AEBP2: variants seen among roughly 807,000 people sequenced by gnomAD.
AEBP2 encodes AE binding protein 2, also known as zinc finger protein AEBP2.
In AEBP2, 10 loss-of-function variants were observed where a neutral mutation model predicts 50.8. The ratio of observed to expected loss-of-function variants is 0.20; its 90% CI spans 0.12 to 0.33. AEBP2 has a LOEUF of 0.33. AEBP2 is among the 10% of genes least tolerant of loss of function. The pLI is 1.00. For synonymous variants in AEBP2, 296 were observed against 261.3 expected, an observed-to-expected ratio of 1.13 and a Z score of -1.28; for missense variants, 570 against 688.0, an observed-to-expected ratio of 0.83 and a Z score of 1.92.
chr12:19,419,318 G>T (rs570155132), intron 1 of AEBP2, among the ~76,000 whole-genome samples: 2 of 152,056 alleles, frequency 1.3e-5, no homozygotes, highest in Non-Finnish European at 1.5e-5. Flanking sequence ...GGCCGGGTGC[G>T]GTGGCTCATG....
Position 19,439,809 on chromosome 12 carries a change from A to G in AEBP2, c.110A>G (p.Glu37Gly). 1 of 1,497,848 alleles carries G rather than the reference A, an allele frequency of 6.7e-7. No individual in the cohort carries two copies. Among genetic ancestry groups the G allele is most frequent in the Non-Finnish European group, 8.8e-7 (1 of 1,130,586 alleles). The allele number at this position is 1,497,848 out of a possible 1,614,324, so 92.8% of individuals were successfully genotyped here. ...GCGCGGGGCCGGGCTGAGCCCCCCG[A>G]GGAGGAGGAGGAAGAGGAGGAGGAG... ...SAARGRAEPP[E>G]EEEEEEEEEE... Residue 37 changes from glutamate (E) to glycine (G), a missense_variant, in exon 1 of 8, where the codon GAG becomes GGG. Glu to Gly is a moderately conservative substitution (Grantham distance 98, BLOSUM62 -2). Around this residue, in one of 2 missense-constraint regions of AEBP2, gnomAD observed 386 missense variants for 336.8 expected, o/e 1.15. Transcript: ENST00000266508.
chr12:19,462,432 C>G, intron 1 of AEBP2, 78 bp from the exon 2 acceptor site: 1 of 1,221,032 alleles, frequency 8.2e-7, no homozygotes, highest in Non-Finnish European at 1.2e-6. Flanking sequence ...AAGTGGTAAT[C>G]TTAATTAAAT....
chr12:19,502,600 G>A (rs1949097451), intron 5 of AEBP2, among the ~76,000 whole-genome samples: 1 of 151,270 alleles, frequency 6.6e-6, no homozygotes, highest in African/African-American at 2.4e-5. Flanking sequence ...TTGTAGGTGT[G>A]CAGTTTTATT....
chr12:19,509,100 A>T, intron 5 of AEBP2: 1 of 563,470 alleles, frequency 1.8e-6, no homozygotes, highest in Non-Finnish European at 3.3e-6. Flanking sequence ...GTTCTTAATG[A>T]GATTGTCCAA....
intron 4 of AEBP2, 61 bp downstream of exon 4, chr12:19,494,047 T>C (rs1339854356): frequency 1.2e-5 from 17 of 1,473,642 alleles, no homozygotes; most frequent in African/African-American, 1.4e-5. Flanking sequence ...TCTTAGACTT[T>C]TATGCAAATC....
intron 3 of AEBP2, among the ~76,000 whole-genome samples, chr12:19,493,293 C>T (rs892671959): frequency 3.9e-5 from 6 of 151,928 alleles, no homozygotes; most frequent in Non-Finnish European, 5.9e-5. Context: ...CCCAGCTACT[C>T]GGGAGGCTGA....
rs1204959485 is a variant in AEBP2, at chr12:19,520,118, C to T, written c.*2001C>T. On this transcript the variant is annotated 3_prime_UTR_variant, in exon 8 of 8. Transcript: ENST00000266508. ...AAGTGTTTCAGATACATAGTTTGTA[C>T]CTGTATTTTTATTTTATTGCCTCAT... The T allele has an allele frequency of 6.6e-6, 1 of 152,388 alleles. No homozygotes were observed. The highest frequency in any genetic ancestry group is 1.5e-5 in the Non-Finnish European group (1 of 67,972). The allele number at this position is 152,388 out of a possible 1,614,324, so 9.4% of individuals were successfully genotyped here.
chr12:19,423,784 TGA>T (rs1455410567), intron 1 of AEBP2, among the ~76,000 whole-genome samples: 1 of 151,540 alleles, frequency 6.6e-6, no homozygotes, highest in African/African-American at 2.4e-5. Context: ...GAGGCTGCAG[TGA>T]GCCGAGATTG....
intron 5 of AEBP2, among the ~76,000 whole-genome samples, chr12:19,511,506 C>CG (rs1429415966): frequency 6.6e-6 from 1 of 152,104 alleles, no homozygotes; most frequent in African/African-American, 2.4e-5. Flanking sequence ...CCTAAGTGCT[C>CG]GGGGGAACTG....
At chr12:19,477,218 G>T (rs1284987554) in intron 3 of AEBP2, among the ~76,000 whole-genome samples, 1 of 152,252 alleles carries the variant, frequency 6.6e-6, no homozygotes, top group South Asian at 2.1e-4. Flanking sequence ...AGTCTTTAGG[G>T]TTTCCTAGGT....
chr12:19,502,248 C>T (rs1315308889), intron 5 of AEBP2, among the ~76,000 whole-genome samples: 1 of 152,102 alleles, frequency 6.6e-6, no homozygotes, highest in African/African-American at 2.4e-5. Context: ...GATCCCCCTC[C>T]CTCAGCCTCC....
chr12:19,420,002 T>A (rs1211107151), intron 1 of AEBP2, among the ~76,000 whole-genome samples: 1 of 151,814 alleles, frequency 6.6e-6, no homozygotes, highest in Non-Finnish European at 1.5e-5. Context: ...AGGACAATAA[T>A]TTCAAGTGTG....
intron 1 of AEBP2, among the ~76,000 whole-genome samples, chr12:19,425,608 T>C (rs1215426945): frequency 1.3e-5 from 2 of 151,786 alleles, no homozygotes; most frequent in African/African-American, 4.8e-5. Context: ...ACCCTGTCTC[T>C]ACTAAAAATA....
At position 19,480,305 on chromosome 12, in the gene AEBP2, A is replaced by T. The variant is rs187766491; in HGVS notation, c.987+6950A>T. On this transcript the variant is annotated intron_variant, in intron 3 of 7. Transcript: ENST00000266508. ...TTTTTACTAGAGACAGGGTTTCTCC[A>T]TGTTGGCCAGGCTGGTCTTGAATTC... is the stretch of plus-strand genomic sequence containing the variant. 2.6e-3 allele frequency among the ~76,000 whole-genome samples: 395 copies of T among 152,258 alleles called. 1 individual carries two copies. The highest frequency in any genetic ancestry group is 9.2e-3 in the African/African-American group (383 of 41,556).
chr12:19,449,220 C>G (rs1402904555), intron 1 of AEBP2, among the ~76,000 whole-genome samples: 1 of 152,054 alleles, frequency 6.6e-6, no homozygotes, highest in African/African-American at 2.4e-5. Context: ...CCTTCAGATG[C>G]AATTGCTTCT....
intron 1 of AEBP2, among the ~76,000 whole-genome samples, chr12:19,451,345 G>A (rs1047352640): frequency 3.9e-5 from 6 of 152,132 alleles, no homozygotes; most frequent in Non-Finnish European, 8.8e-5. Flanking sequence ...TGCCTGGGCT[G>A]GGAAGACTCA....
chr12:19,440,573 T>C, intron 1 of AEBP2: 4 of 1,409,610 alleles, frequency 2.8e-6, no homozygotes, highest in Non-Finnish European at 3.7e-6. Flanking sequence ...CTCAAACCGT[T>C]CCCCCCCAAC....
chr12:19,461,595 C>T (rs1365491526), intron 1 of AEBP2, among the ~76,000 whole-genome samples: 6 of 151,974 alleles, frequency 3.9e-5, no homozygotes, highest in African/African-American at 1.2e-4. Flanking sequence ...CTCCAACCTC[C>T]GCCTCCTGGG....
intron 1 of AEBP2, among the ~76,000 whole-genome samples, chr12:19,458,444 A>G (rs1948312356): frequency 6.6e-6 from 1 of 152,196 alleles, no homozygotes; most frequent in African/African-American, 2.4e-5. Context: ...CTTGTCTGCC[A>G]TTGTATTCAC....
Sources: gnomAD v4.1 joint callset for allele counts (sites outside exome capture counted in the v4.1 genomes callset) on GRCh38, gnomAD v4.1.1 for gene constraint, gnomAD v4.1.1 regional missense constraint, MANE v1.5 for transcripts, NCBI Gene and HGNC (gene_info 2026-07-23, HGNC 2026-07-21) for gene names.